The following TRIP12 variants were observed in gnomAD, a reference collection of about 807,000 sequenced individuals.
TRIP12 encodes the protein E3 ubiquitin-protein ligase TRIP12.
TRIP12 carries 25 observed loss-of-function variants against 244.2 expected under a neutral mutation model. That is an observed-to-expected ratio of 0.10 (90% CI 0.07 to 0.14). The LOEUF (loss-of-function observed/expected upper bound fraction) is 0.14, where lower values mean the gene tolerates loss of function less well. TRIP12 is among the 10% of genes least tolerant of loss of function. The pLI, the probability that TRIP12 is intolerant of heterozygous loss-of-function variation, is 1.00. For missense variants in TRIP12, 1,677 were observed against 2,486.4 expected, an observed-to-expected ratio of 0.67 and a Z score of 6.92; for synonymous variants, 905 against 873.1, an observed-to-expected ratio of 1.04 and a Z score of -0.64.
At position 229,787,073 on chromosome 2, in the gene TRIP12, A is replaced by G. The variant is rs560766177; in HGVS notation, c.4995+432T>C. ...GGTATAAGAGACTCAAAACATATAA[A>G]GGATTTTGTTTCAGGCTCTTCTAAT... On this transcript the variant is annotated intron_variant, in intron 33 of 41. Transcript: ENST00000675903. Among the ~76,000 whole-genome samples, 5 of 152,350 alleles carry G rather than the reference A, an allele frequency of 3.3e-5. No individual in the cohort carries two copies. The South Asian group carries it at 1.0e-3, about 32-fold the overall frequency.
intron 8 of TRIP12, among the ~76,000 whole-genome samples, chr2:229,823,623 C>T (rs1464476994): frequency 6.6e-6 from 1 of 151,452 alleles, no homozygotes; most frequent in Non-Finnish European, 1.5e-5. Flanking sequence ...TTGCAGTGAG[C>T]TGAGATCGCG....
At chr2:229,817,563 A>G (rs1242503525) in intron 9 of TRIP12, among the ~76,000 whole-genome samples, 1 of 152,202 alleles carries the variant, frequency 6.6e-6, no homozygotes, top group African/African-American at 2.4e-5. Context: ...AAGGCATTAA[A>G]AAGATTTTTT....
At chr2:229,775,365 G>A (rs189118094) in intron 37 of TRIP12, among the ~76,000 whole-genome samples, 2 of 145,592 alleles carry the variant, frequency 1.4e-5, no homozygotes, top group East Asian at 4.1e-4. Flanking sequence ...TACATTTGAA[G>A]TATTCTTCAG....
intron 4 of TRIP12, among the ~76,000 whole-genome samples, chr2:229,842,496 G>T (rs184297433): frequency 5.3e-5 from 8 of 152,118 alleles, no homozygotes; most frequent in Non-Finnish European, 1.0e-4. Flanking sequence ...TTTTCTATTG[G>T]ATTTGTGTGA....
intron 19 of TRIP12, 85 bp from the exon 20 acceptor site, chr2:229,803,774 G>T: frequency 1.9e-6 from 2 of 1,031,642 alleles, no homozygotes; most frequent in Non-Finnish European, 2.9e-6. Context: ...TGAGAGCAAA[G>T]CATTTTCATT....
intron 4 of TRIP12, among the ~76,000 whole-genome samples, chr2:229,842,256 A>T (rs1175325650): frequency 6.6e-6 from 1 of 152,144 alleles, no homozygotes; most frequent in Non-Finnish European, 1.5e-5. Flanking sequence ...TTTTAGGTTG[A>T]TTTTCTACAT....
rs142634445 is a variant in TRIP12 at position 229,853,314 on chromosome 2, CA to C, written c.1027+5457del. Reference sequence around the variant, plus strand: ...CTAAGATTTGTATTAATCAGAAGCCCATCTCTCAACTTTCATCCACCCACTG... The same window carrying C: ...CTAAGATTTGTATTAATCAGAAGCCCTCTCTCAACTTTCATCCACCCACTG... On this transcript the variant is annotated intron_variant, in intron 4 of 41. Transcript: ENST00000675903. Among the ~76,000 whole-genome samples, 1,496 of 152,130 alleles carry C rather than the reference CA, an allele frequency of 9.8e-3. 20 individuals carry two copies. The highest frequency in any genetic ancestry group is 0.034 in the African/African-American group (1,390 of 41,468).
intron 2 of TRIP12, 63 bp downstream of exon 2, chr2:229,879,919 G>A: frequency 6.4e-7 from 1 of 1,573,626 alleles, no homozygotes; most frequent in African/African-American, 1.3e-5. Context: ...ACCTCGCAAG[G>A]AGGCTTAAAA....
In TRIP12 at chr2:229,834,891, A is replaced by G. The variant is rs75248656; in HGVS notation, c.1270+1957T>C. On this transcript the variant is annotated intron_variant, in intron 6 of 41. Transcript: ENST00000675903. ...AGCTAATGTGGTTGGGCTTTTTAAA[A>G]TAATAACAACATTATTTCCAAATAA... 9.0e-3 allele frequency among the ~76,000 whole-genome samples: 1,377 copies of G among 152,340 alleles called. 28 individuals carry two copies. Among genetic ancestry groups the G allele is most frequent in the East Asian group, 0.046 (241 of 5,186 alleles).
Position 229,791,235 on chromosome 2 carries a change from C to G in TRIP12, c.4432G>C (p.Glu1478Gln). 1.9e-6 allele frequency: 3 copies of G among 1,614,096 alleles called. No individual in the cohort carries two copies. The highest frequency in any genetic ancestry group is 1.7e-6 in the Non-Finnish European group (2 of 1,179,970). The change falls in exon 30 of 42, where the codon GAG (glutamate) becomes CAG (glutamine). Residue 1478 changes from glutamate to glutamine, a missense_variant. Glu to Gln is a conservative substitution (Grantham distance 29, BLOSUM62 2). Around this residue, in one of 11 missense-constraint regions of TRIP12, gnomAD observed 265 missense variants for 370.8 expected, o/e 0.71. Coordinates refer to ENST00000675903, the MANE Select transcript of TRIP12 (RefSeq NM_001348323.3). ...THTIWYKPVR[E>Q]DEESNKDCVG... ...CAATCTTTATTACTTTCTTCATCCT[C>G]TCTCACAGGTTTATACCTAAAATGA...
intron 5 of TRIP12, among the ~76,000 whole-genome samples, chr2:229,838,239 A>G (rs936282226): frequency 1.3e-5 from 2 of 152,146 alleles, no homozygotes; most frequent in Non-Finnish European, 1.5e-5. Context: ...CTCATTCCCA[A>G]CCCATTTTAC....
intron 8 of TRIP12, among the ~76,000 whole-genome samples, chr2:229,820,841 C>T (rs769681064): frequency 6.6e-6 from 1 of 152,142 alleles, no homozygotes; most frequent in Admixed American, 6.5e-5. Context: ...CTGCCCACCT[C>T]GGCCTCCCAA....
Position 229,860,433 on chromosome 2 carries a change from T to C in TRIP12, c.197A>G (p.Glu66Gly). 1 of 1,610,060 alleles carries C rather than the reference T, an allele frequency of 6.2e-7. No homozygotes were observed. ...APKVQSNTTSELSRGHLSKRS... is the reference protein window; with the variant it reads ...APKVQSNTTSGLSRGHLSKRS... ...TTTAGAAAGGTGTCCCCTTGACAGT[T>C]CAGAAGTAGTATTAGACTGCACTTT... Residue 66 changes from glutamate to glycine, a missense_variant, in exon 3 of 42, where the codon GAA becomes GGA. Around this residue, in one of 11 missense-constraint regions of TRIP12, gnomAD observed 387 missense variants for 392.6 expected, o/e 0.99. Transcript: ENST00000675903.
Position 229,793,054 on chromosome 2 carries a change from C to T in TRIP12, c.4060G>A (p.Val1354Met). The T allele has an allele frequency of 6.2e-7, 1 of 1,614,028 alleles. No homozygotes were observed. The change falls in exon 27 of 42, where the codon GTG (valine) becomes ATG (methionine). Residue 1354 changes from valine to methionine, a missense_variant. Val to Met is a conservative substitution (Grantham distance 21). Transcript: ENST00000675903. ...QLQRHPDCAN[V>M]KQWKGGPVKI... is the part of the protein sequence containing the mutation. ...ACAGGTCCACCCTTCCACTGCTTCA[C>T]ATTTGCACAGTCTGGATGCCTTTGT... is the stretch of plus-strand genomic sequence containing the variant.
rs143892559 is a variant in TRIP12 at position 229,905,333 on chromosome 2, T to C, written c.-50+16547A>G. 4.1e-5 allele frequency among the ~76,000 whole-genome samples: 6 copies of C among 147,968 alleles called. No homozygotes were observed. In the East Asian group the frequency reaches 1.2e-3, roughly 30 times the overall value. On this transcript the variant is annotated intron_variant, in intron 1 of 41. Transcript: ENST00000675903. Reference sequence around the variant, plus strand: ...TCTTCAAGTGGGCAAGTGCAGATAATAGGAGTCATTACTAAGTTATAGCAG... The same window carrying C: ...TCTTCAAGTGGGCAAGTGCAGATAACAGGAGTCATTACTAAGTTATAGCAG...
In TRIP12 at chr2:229,792,140, T is replaced by C. The variant is rs2041689323; in HGVS notation, c.4215+13A>G. The C allele has an allele frequency of 6.2e-7, 1 of 1,614,070 alleles. No individual in the cohort carries two copies. The highest frequency in any genetic ancestry group is 8.5e-7 in the Non-Finnish European group (1 of 1,179,974). ...TATAGTACATTATACATGGTGGGAA[T>C]ATAGTACCTTACCAGAGACTCATCT... On this transcript the variant is annotated intron_variant, in intron 28 of 41. Coordinates refer to ENST00000675903, the MANE Select transcript of TRIP12 (RefSeq NM_001348323.3).
At chr2:229,903,716 T>C (rs1320601415) in intron 1 of TRIP12, among the ~76,000 whole-genome samples, 1 of 152,008 alleles carries the variant, frequency 6.6e-6, no homozygotes, top group East Asian at 1.9e-4. Flanking sequence ...GAAAATTTCA[T>C]TTAAAAACAT....
intron 15 of TRIP12, among the ~76,000 whole-genome samples, chr2:229,810,052 A>AATACTCTACTAG (rs1471642817): frequency 6.6e-6 from 1 of 152,212 alleles, no homozygotes; most frequent in Non-Finnish European, 1.5e-5. Context: ...AAAAGTGATC[A>AATACTCTACTAG]ATACTCTACT....
chr2:229,847,605 G>A (rs1305454587), intron 4 of TRIP12, among the ~76,000 whole-genome samples: 1 of 152,182 alleles, frequency 6.6e-6, no homozygotes, highest in Admixed American at 6.5e-5. Context: ...TAAATGCACT[G>A]GGAAGTCCAG....
Sources: allele counts gnomAD v4.1 joint callset (sites outside exome capture counted in the v4.1 genomes callset), GRCh38; gene constraint gnomAD v4.1.1; regional missense constraint gnomAD v4.1.1; transcripts MANE v1.5; gene names NCBI Gene and HGNC (gene_info 2026-07-23, HGNC 2026-07-21).